The following RBFOX1 variants were observed in gnomAD, a reference collection of about 807,000 sequenced individuals.
RBFOX1 encodes the protein RNA binding protein fox-1 homolog 1.
Under a neutral mutation model 57.7 loss-of-function variants are expected in RBFOX1, and 8 were observed. That is an observed-to-expected ratio of 0.14 (90% confidence interval 0.08 to 0.25). The LOEUF (loss-of-function observed/expected upper bound fraction) is 0.25. Ranked by LOEUF, RBFOX1 falls within the 10% of genes least tolerant of loss-of-function variation. RBFOX1 has a pLI of 1.00. For synonymous variants in RBFOX1, 326 were observed against 222.4 expected (o/e 1.47, Z -4.15); for missense variants, 611 against 548.5 (o/e 1.11, Z -1.14).
intron 1 of RBFOX1, among the ~76,000 whole-genome samples, chr16:6,261,683 G>A (rs2152635687): frequency 6.6e-6 from 1 of 152,222 alleles, no homozygotes; most frequent in African/African-American, 2.4e-5. Flanking sequence ...GGAAAACAGT[G>A]GCTTTTAAAA....
intron 4 of RBFOX1, among the ~76,000 whole-genome samples, chr16:7,206,002 T>C (rs1047348213): frequency 3.3e-5 from 5 of 152,282 alleles, no homozygotes; most frequent in African/African-American, 1.2e-4. Context: ...TGTTGTGTTC[T>C]GAACACAGGT....
chr16:7,017,964 C>T (rs995229371), intron 3 of RBFOX1, among the ~76,000 whole-genome samples: 7 of 152,158 alleles, frequency 4.6e-5, no homozygotes, highest in African/African-American at 9.7e-5. Flanking sequence ...GGTGTGCCCC[C>T]TTTCTCTACG....
chr16:5,286,961 T>C (rs2063410535), intron 1 of RBFOX1, among the ~76,000 whole-genome samples: 1 of 152,198 alleles, frequency 6.6e-6, no homozygotes, highest in Non-Finnish European at 1.5e-5. Context: ...GCCAACTTTT[T>C]CTAAAGAAAA....
Position 7,040,086 on chromosome 16 carries a change from T to C in RBFOX1, c.-15-11971T>C, listed in dbSNP as rs565912253. Among the ~76,000 whole-genome samples the C allele has an allele frequency of 2.0e-5, 3 of 152,126 alleles. No homozygotes were observed. The South Asian group carries it at 6.2e-4, about 32-fold the overall frequency. ...ACCAGGTTGGAGTGCAGTGACATGA[T>C]CTCAGCTCACTGCAACCTCTGCCTC... On this transcript the variant is annotated intron_variant, in intron 3 of 15. Transcript: ENST00000550418.
intron 4 of RBFOX1, among the ~76,000 whole-genome samples, chr16:7,468,171 C>G (rs2060871804): frequency 2.0e-5 from 3 of 152,174 alleles, no homozygotes; most frequent in African/African-American, 7.2e-5. Context: ...AGTAAAGTTG[C>G]TTGGTACACA....
intron 4 of RBFOX1, among the ~76,000 whole-genome samples, chr16:7,290,885 C>G (rs2095756950): frequency 1.3e-5 from 2 of 152,106 alleles, no homozygotes; most frequent in Non-Finnish European, 2.9e-5. Flanking sequence ...CGGTATGTAC[C>G]CAGCAATACC....
At chr16:6,886,990 A>G (rs1315043514) in intron 3 of RBFOX1, among the ~76,000 whole-genome samples, 1 of 152,136 alleles carries the variant, frequency 6.6e-6, no homozygotes, top group Non-Finnish European at 1.5e-5. Context: ...GCTCTTGTTC[A>G]TGATAATTTT....
At chr16:7,698,215 TATAAA>T (rs1281413674) in intron 14 of RBFOX1, among the ~76,000 whole-genome samples, 2 of 143,976 alleles carry the variant, frequency 1.4e-5, no homozygotes, top group Admixed American at 7.1e-5. Flanking sequence ...TGTGTGTGTG[TATAAA>T]GGGGGTAGGT....
chr16:7,599,595 G>A (rs1356972099), intron 9 of RBFOX1, among the ~76,000 whole-genome samples: 1 of 149,076 alleles, frequency 6.7e-6, no homozygotes, highest in East Asian at 2.0e-4. Flanking sequence ...CTATTTTAGA[G>A]GTGCAACATT....
chr16:5,833,883 C>T (rs146069442), intron 3 of RBFOX1, among the ~76,000 whole-genome samples: 6 of 152,246 alleles, frequency 3.9e-5, no homozygotes, highest in South Asian at 2.1e-4. Context: ...ATAAAGAATT[C>T]GTGCATATAC....
chr16:7,081,252 C>T (rs533686463), intron 4 of RBFOX1, among the ~76,000 whole-genome samples: 1 of 152,330 alleles, frequency 6.6e-6, no homozygotes, highest in African/African-American at 2.4e-5. Flanking sequence ...CTGGGCTGGT[C>T]TTGAACTGCT....
intron 1 of RBFOX1, among the ~76,000 whole-genome samples, chr16:6,312,431 G>T (rs1006352690): frequency 1.3e-5 from 2 of 152,080 alleles, no homozygotes; most frequent in African/African-American, 4.8e-5. Context: ...AGTTACTGAC[G>T]ACACTTAAGT....
chr16:7,294,747 G>T (rs1295946732), intron 4 of RBFOX1, among the ~76,000 whole-genome samples: 2 of 151,856 alleles, frequency 1.3e-5, no homozygotes, highest in South Asian at 4.2e-4. Flanking sequence ...GTGCTTACGA[G>T]GTTTAGATAT....
intron 2 of RBFOX1, among the ~76,000 whole-genome samples, chr16:6,637,519 ATAAT>A: frequency 9.3e-6 from 1 of 107,390 alleles, no homozygotes; most frequent in Middle Eastern, 4.0e-3. Flanking sequence ...TATAGTATAT[ATAAT>A]ATTCTGTATA....
chr16:7,433,688 C>G (rs1444383894), intron 4 of RBFOX1, among the ~76,000 whole-genome samples: 2 of 152,174 alleles, frequency 1.3e-5, no homozygotes, highest in Admixed American at 6.5e-5. Context: ...TCATCCATCC[C>G]TTCTACCATC....
In RBFOX1 at chr16:6,892,436, G is replaced by A. The variant is rs535432277; in HGVS notation, c.-15-159621G>A. Among the ~76,000 whole-genome samples, 55 of 152,240 alleles carry A rather than the reference G, an allele frequency of 3.6e-4. No homozygotes were observed. In the South Asian group the frequency reaches 7.7e-3, roughly 21 times the overall value. ...TATAATTCCAGCACTTTAGGAGGCC[G>A]AAGTGGGTGGATCCCTTGAGGTCAG... On this transcript the variant is annotated intron_variant, in intron 3 of 15. Coordinates refer to ENST00000550418, the MANE Select transcript of RBFOX1 (RefSeq NM_018723.4).
At chr16:6,386,386 C>G (rs770023626) in intron 2 of RBFOX1, among the ~76,000 whole-genome samples, 3 of 152,164 alleles carry the variant, frequency 2.0e-5, no homozygotes, top group Non-Finnish European at 4.4e-5. Context: ...TATTTTCTAT[C>G]ATGATTATCA....
At chr16:5,245,032 C>T (rs1438726871) in intron 1 of RBFOX1, among the ~76,000 whole-genome samples, 3 of 152,142 alleles carry the variant, frequency 2.0e-5, no homozygotes, top group African/African-American at 7.2e-5. Context: ...AGGGAAATGT[C>T]TTCTCAATTC....
intron 3 of RBFOX1, among the ~76,000 whole-genome samples, chr16:7,023,327 G>A (rs547140972): frequency 2.6e-5 from 4 of 151,812 alleles, no homozygotes; most frequent in African/African-American, 7.3e-5. Flanking sequence ...GGGAGTGGTG[G>A]TGCATGCCTG....
Sources: gnomAD v4.1 joint callset for allele counts (sites outside exome capture counted in the v4.1 genomes callset) on GRCh38, gnomAD v4.1.1 for gene constraint, MANE v1.5 for transcripts, NCBI Gene and HGNC (gene_info 2026-07-23, HGNC 2026-07-21) for gene names.